The following INPP5F variants were observed in gnomAD, a reference collection of about 807,000 sequenced individuals.
INPP5F encodes the protein phosphatidylinositide 4-phosphatase SAC2.
A neutral mutation model predicts 137.2 loss-of-function variants in INPP5F; 97 were observed. The observed-to-expected ratio is 0.71, with a 90% CI of 0.60 to 0.84. The LOEUF is 0.84. Ranked by LOEUF, INPP5F falls within the 40% of genes least tolerant of loss-of-function variation. The probability of loss-of-function intolerance (pLI) is 0.00; values close to 1 mark genes in which losing one functional copy is unlikely to be tolerated. For synonymous variants in INPP5F, 504 were observed against 476.9 expected (o/e 1.06, Z -0.74); for missense variants, 1,271 against 1,371.9 (o/e 0.93, Z 1.16).
intron 4 of INPP5F, 108 bp from the exon 5 acceptor site, chr10:119,791,761 T>C: frequency 7.7e-7 from 1 of 1,303,066 alleles, no homozygotes; most frequent in Non-Finnish European, 1.1e-6. Flanking sequence ...AAGCACCATC[T>C]CCTTATGCCC....
chr10:119,824,088 T>G (rs912363865), intron 19 of INPP5F, among the ~76,000 whole-genome samples, 186 bp downstream of exon 19: 2 of 152,212 alleles, frequency 1.3e-5, no homozygotes, highest in African/African-American at 4.8e-5. Flanking sequence ...AATTTTCAGG[T>G]AAGTTTTAGA....
chr10:119,758,089 G>A (rs1370283811), intron 2 of INPP5F, among the ~76,000 whole-genome samples: 1 of 152,242 alleles, frequency 6.6e-6, no homozygotes, highest in Non-Finnish European at 1.5e-5. Context: ...GTCGAAGCTT[G>A]TAGAAACCTA....
chr10:119,730,640 A>G (rs559322691), intron 1 of INPP5F, among the ~76,000 whole-genome samples: 50 of 152,282 alleles, frequency 3.3e-4, no homozygotes, highest in Non-Finnish European at 5.6e-4. Flanking sequence ...TATATAATTT[A>G]TAGCTGTGTG....
chr10:119,798,642 C>T, intron 9 of INPP5F, 32 bp downstream of exon 9: 3 of 1,439,664 alleles, frequency 2.1e-6, no homozygotes, highest in East Asian at 4.6e-5. Context: ...TAAAATGTTC[C>T]TTCATCTTTA....
chr10:119,793,882 T>C (rs1850233671), intron 6 of INPP5F, among the ~76,000 whole-genome samples: 1 of 152,172 alleles, frequency 6.6e-6, no homozygotes, highest in African/African-American at 2.4e-5. Context: ...TGGCCTCAAG[T>C]GAATAGCCCA....
chr10:119,727,680 G>A (rs1260004821), intron 1 of INPP5F, among the ~76,000 whole-genome samples: 4 of 152,132 alleles, frequency 2.6e-5, no homozygotes, highest in African/African-American at 9.7e-5. Context: ...TTGCTATTAC[G>A]TTGTATTTCC....
chr10:119,742,050 G>T (rs1447336298), intron 1 of INPP5F, among the ~76,000 whole-genome samples: 4 of 152,048 alleles, frequency 2.6e-5, no homozygotes, highest in Admixed American at 2.6e-4. Flanking sequence ...CGAACTCCTG[G>T]CCTCAAGTTC....
chr10:119,750,990 T>C, intron 1 of INPP5F, 86 bp from the exon 2 acceptor site: 1 of 882,376 alleles, frequency 1.1e-6, no homozygotes, highest in Non-Finnish European at 1.9e-6. Context: ...GGGACATTGA[T>C]TTTTTTTCAA....
At chr10:119,807,425 TACA>T (rs1475656925) in intron 12 of INPP5F, among the ~76,000 whole-genome samples, 2 of 152,234 alleles carry the variant, frequency 1.3e-5, no homozygotes, top group African/African-American at 4.8e-5. Context: ...TTTGACTCTG[TACA>T]AAGAACTTAA....
chr10:119,772,731 T>G (rs1309097247), intron 2 of INPP5F, among the ~76,000 whole-genome samples: 1 of 152,170 alleles, frequency 6.6e-6, no homozygotes, highest in Non-Finnish European at 1.5e-5. Context: ...GGAGAACCAA[T>G]TATTTCAACA....
chr10:119,821,243 G>A (rs1336090743), intron 16 of INPP5F, among the ~76,000 whole-genome samples: 2 of 152,072 alleles, frequency 1.3e-5, no homozygotes, highest in African/African-American at 4.8e-5. Flanking sequence ...ATCATTGTTT[G>A]CATTACTATA....
chr10:119,735,953 A>G (rs1468818529), intron 1 of INPP5F, among the ~76,000 whole-genome samples: 1 of 152,224 alleles, frequency 6.6e-6, no homozygotes, highest in African/African-American at 2.4e-5. Flanking sequence ...AACATGGTGA[A>G]ACACTGTCTC....
intron 1 of INPP5F, among the ~76,000 whole-genome samples, chr10:119,740,059 G>T (rs1357533961): frequency 6.6e-6 from 1 of 151,730 alleles, no homozygotes; most frequent in African/African-American, 2.4e-5. Context: ...TTTTCTATTG[G>T]ATAACTGAAA....
In INPP5F at chr10:119,748,639, C is replaced by G. The variant is rs1848607594; in HGVS notation, c.98-2437C>G. 6.6e-6 allele frequency among the ~76,000 whole-genome samples: 1 copy of G among 152,140 alleles called. No homozygotes were observed. The highest frequency in any genetic ancestry group is 2.1e-4 in the South Asian group (1 of 4,824). On this transcript the variant is annotated intron_variant, in intron 1 of 19. Coordinates refer to ENST00000650623, the MANE Select transcript of INPP5F (RefSeq NM_014937.4). The surrounding 1 kb of genome is among the most constrained non-coding windows in gnomAD (Gnocchi z 4.7). ...GAGGAGACCCGAAGGGGGCAGCTCCCTCCCGCAGCTGGTGGTCTGGACATC... is the reference window on the plus strand; with the variant it reads ...GAGGAGACCCGAAGGGGGCAGCTCCGTCCCGCAGCTGGTGGTCTGGACATC...
At chr10:119,747,684 A>G (rs1848577171) in intron 1 of INPP5F, among the ~76,000 whole-genome samples, 1 of 152,178 alleles carries the variant, frequency 6.6e-6, no homozygotes, top group South Asian at 2.1e-4. Flanking sequence ...ATCTATCCAA[A>G]AGCTATTAAT....
intron 2 of INPP5F, among the ~76,000 whole-genome samples, chr10:119,779,859 G>A (rs1373727776): frequency 6.6e-6 from 1 of 152,136 alleles, no homozygotes; most frequent in Non-Finnish European, 1.5e-5. Flanking sequence ...TTGTACAGCT[G>A]TGCAAAAATA....
intron 12 of INPP5F, among the ~76,000 whole-genome samples, 166 bp from the exon 13 acceptor site, chr10:119,807,766 G>A (rs1414166040): frequency 6.6e-6 from 1 of 152,116 alleles, no homozygotes; most frequent in East Asian, 1.9e-4. Flanking sequence ...AATTTATAAA[G>A]CCATCTTTCA....
At position 119,792,214 on chromosome 10, in the gene INPP5F, G is replaced by A. The variant is rs1404392004; in HGVS notation, c.669+1G>A. The stretch of plus-strand genomic sequence containing the variant: ...GATACAAGATCTTACTGAGATTGGT[G>A]TGAGTAGTTGTTTCTAAAATTTCCT... On this transcript the variant is annotated splice_donor_variant, in intron 6 of 19. Transcript: ENST00000650623. LOFTEE classifies it high-confidence loss of function. 6.2e-7 allele frequency: 1 copy of A among 1,604,200 alleles called. No individual in the cohort carries two copies. The highest frequency in any genetic ancestry group is 1.1e-5 in the South Asian group (1 of 90,366).
chr10:119,797,203 G>A (rs889330357), intron 7 of INPP5F, among the ~76,000 whole-genome samples: 4 of 152,178 alleles, frequency 2.6e-5, no homozygotes, highest in African/African-American at 7.2e-5. Context: ...CTGTATCACC[G>A]TGATAAATCC....
Sources: allele counts gnomAD v4.1 joint callset (sites outside exome capture counted in the v4.1 genomes callset), GRCh38; gene constraint gnomAD v4.1.1; non-coding constraint Gnocchi (gnomAD v3.1); transcripts MANE v1.5; gene names NCBI Gene and HGNC (gene_info 2026-07-23, HGNC 2026-07-21).